RCL1: variants seen among roughly 807,000 people sequenced by gnomAD.
The protein encoded by RCL1 is RNA 3'-terminal phosphate cyclase-like protein.
In RCL1, 24 loss-of-function variants were observed where a neutral mutation model predicts 42.4. The observed-to-expected ratio is 0.57, with a 90% CI of 0.41 to 0.80. The LOEUF is 0.80. Among genes scored for constraint, RCL1 ranks in the 30% least tolerant of loss-of-function variants. The pLI is 0.00. For missense variants in RCL1, 578 were observed against 467.9 expected (o/e 1.24, Z -2.17); for synonymous variants, 228 against 177.3 (o/e 1.29, Z -2.27).
rs295918 is a variant in RCL1 at position 4,860,943 on chromosome 9, A to G, written c.*668A>G. The G allele has an allele frequency of 0.34, 52,353 of 152,026 alleles. 9,195 individuals carry two copies. Among genetic ancestry groups the G allele is most frequent in the South Asian group, 0.45 (2,155 of 4,818 alleles). 9.4% of individuals were successfully genotyped at this position (152,026 alleles called of 1,614,324 possible). On this transcript the variant is annotated 3_prime_UTR_variant, in exon 9 of 9. Transcript: ENST00000381750. ...TTTTTATATTCCAGGTGTGCTGTAC[A>G]TTCTTATTTTATTTTCACAATAGCT...
At chr9:4,820,311 A>G (rs1816547950) in intron 1 of RCL1, among the ~76,000 whole-genome samples, 1 of 152,140 alleles carries the variant, frequency 6.6e-6, no homozygotes, top group African/African-American at 2.4e-5. Context: ...TCTTACCATT[A>G]TTAGGTGGAC....
chr9:4,806,486 A>G (rs1420238659), intron 1 of RCL1, among the ~76,000 whole-genome samples: 3 of 151,942 alleles, frequency 2.0e-5, no homozygotes, highest in African/African-American at 7.3e-5. Flanking sequence ...TGATGTGACC[A>G]TGTGATTTTT....
intron 3 of RCL1, among the ~76,000 whole-genome samples, chr9:4,831,307 TC>T (rs950796726): frequency 1.3e-5 from 2 of 148,896 alleles, no homozygotes; most frequent in African/African-American, 5.2e-5. Context: ...CTGTGTTTTT[TC>T]ACCTTTTTTT....
At chr9:4,793,306 G>T in intron 1 of RCL1, 79 bp downstream of exon 1, 2 of 1,464,678 alleles carry the variant, frequency 1.4e-6, no homozygotes, top group Non-Finnish European at 1.8e-6. Flanking sequence ...GGCCCGCGCG[G>T]TGTTGGTTGG....
intron 3 of RCL1, among the ~76,000 whole-genome samples, chr9:4,832,890 C>T (rs558954938): frequency 6.6e-6 from 1 of 151,378 alleles, no homozygotes; most frequent in Admixed American, 6.6e-5. Context: ...TTGCATGATG[C>T]CTCTGATGCA....
intron 1 of RCL1, among the ~76,000 whole-genome samples, chr9:4,821,124 A>G (rs924790015): frequency 5.9e-5 from 9 of 152,180 alleles, no homozygotes; most frequent in African/African-American, 1.7e-4. Flanking sequence ...TGGTGTGGCT[A>G]AGAGTGTGGA....
chr9:4,828,205 G>A (rs967030469), intron 3 of RCL1, among the ~76,000 whole-genome samples: 3 of 150,224 alleles, frequency 2.0e-5, no homozygotes, highest in African/African-American at 4.9e-5. Context: ...TGGCCATGAT[G>A]CAAAGTACTG....
chr9:4,826,839 C>G lies in RCL1; in HGVS notation c.209-19C>G, dbSNP rs1587712903. 1 of 1,582,202 alleles carries G rather than the reference C, an allele frequency of 6.3e-7. No homozygotes were observed. The highest frequency in any genetic ancestry group is 2.2e-5 in the East Asian group (1 of 44,604). ...AGTTTTTTTCCTGCTGAATGTGGCT[C>G]TTTTTCTTCTGGTTTAAGGAACAAC... On this transcript the variant is annotated intron_variant, in intron 2 of 8. Coordinates refer to ENST00000381750, the MANE Select transcript of RCL1 (RefSeq NM_005772.5).
At chr9:4,837,981 C>T (rs1817194951) in intron 5 of RCL1, among the ~76,000 whole-genome samples, 1 of 152,228 alleles carries the variant, frequency 6.6e-6, no homozygotes, top group Admixed American at 6.5e-5. Context: ...AGCCACTGCT[C>T]TGCAGAGCTG....
chr9:4,843,094 C>G (rs192618935), intron 6 of RCL1, among the ~76,000 whole-genome samples: 2 of 152,276 alleles, frequency 1.3e-5, no homozygotes, highest in East Asian at 3.9e-4. Context: ...CATGTAAAAC[C>G]AATGTGGGAT....
At chr9:4,834,715 C>CAA (rs1563847312) in intron 5 of RCL1, among the ~76,000 whole-genome samples, 1 of 151,872 alleles carries the variant, frequency 6.6e-6, no homozygotes, top group Non-Finnish European at 1.5e-5. Context: ...GTCTGGAGGA[C>CAA]CTAGGGAGGC....
chr9:4,833,839 G>T (rs965561010), intron 4 of RCL1, among the ~76,000 whole-genome samples: 2 of 152,140 alleles, frequency 1.3e-5, no homozygotes, highest in African/African-American at 4.8e-5. Context: ...TTAAGAAATG[G>T]GCTCAGATGA....
chr9:4,817,912 ATTTTTTTTTTTTT>A (rs66886360), intron 1 of RCL1, among the ~76,000 whole-genome samples: 2 of 78,356 alleles, frequency 2.6e-5, no homozygotes, highest in African/African-American at 1.2e-4. Flanking sequence ...CTTTTCTAAG[ATTTTTTTTTTTTT>A]TTTTTTTTTT....
At chr9:4,858,941 C>G (rs142674663) in intron 8 of RCL1, among the ~76,000 whole-genome samples, 3 of 152,318 alleles carry the variant, frequency 2.0e-5, no homozygotes, top group African/African-American at 7.2e-5. Context: ...CCTCTATGAA[C>G]TGGGGAGTAC....
chr9:4,840,013 A>G (rs1161886185), intron 5 of RCL1, among the ~76,000 whole-genome samples: 1 of 151,892 alleles, frequency 6.6e-6, no homozygotes. Flanking sequence ...AGAGCTGAAG[A>G]TGGACACAAC....
In RCL1 at chr9:4,832,832, T is replaced by G. The variant is rs1028657705; in HGVS notation, c.385-322T>G. ...AAAAAAAAAAAAAAAAAAAAAAAAG[T>G]AGGGTTCTCCATTTGTTTTCTACAA... On this transcript the variant is annotated intron_variant, in intron 3 of 8. Transcript: ENST00000381750. 1.1e-3 allele frequency among the ~76,000 whole-genome samples: 120 copies of G among 114,124 alleles called. 2 individuals carry two copies. Among genetic ancestry groups the G allele is most frequent in the Non-Finnish European group, 3.5e-4 (19 of 54,258 alleles). The allele number at this position is 114,124 out of a possible 152,430, so 74.9% of individuals were successfully genotyped here.
chr9:4,820,085 T>C (rs555211769), intron 1 of RCL1, among the ~76,000 whole-genome samples: 2 of 152,356 alleles, frequency 1.3e-5, no homozygotes, highest in Admixed American at 6.5e-5. Context: ...AGCATTGACT[T>C]TGATTCTCTT....
intron 5 of RCL1, among the ~76,000 whole-genome samples, chr9:4,835,291 A>G (rs922576111): frequency 2.6e-5 from 4 of 152,208 alleles, no homozygotes. Context: ...GGAGGGAAGT[A>G]AGAGTGGGGA....
chr9:4,841,876 AG>A (rs1817342720), intron 6 of RCL1, among the ~76,000 whole-genome samples: 1 of 152,208 alleles, frequency 6.6e-6, no homozygotes, highest in Non-Finnish European at 1.5e-5. Flanking sequence ...AAAAATTCTA[AG>A]TAAGGAAAAT....
Sources: gnomAD v4.1 joint callset for allele counts (sites outside exome capture counted in the v4.1 genomes callset) on GRCh38, gnomAD v4.1.1 for gene constraint, MANE v1.5 for transcripts, NCBI Gene and HGNC (gene_info 2026-07-23, HGNC 2026-07-21) for gene names.